The following CCSER1 variants were observed in gnomAD, a reference collection of about 807,000 sequenced individuals.
The protein encoded by CCSER1 is coiled-coil serine rich protein 1, also known as serine-rich coiled-coil domain-containing protein 1.
CCSER1 carries 41 observed loss-of-function variants against 82.0 expected under a neutral mutation model. The observed-to-expected ratio is 0.50, with a 90% CI of 0.39 to 0.65. The LOEUF (loss-of-function observed/expected upper bound fraction) is 0.65, where lower values mean the gene tolerates loss of function less well. Ranked by LOEUF, CCSER1 falls within the 30% of genes least tolerant of loss-of-function variation. The probability of loss-of-function intolerance (pLI) is 0.00; values close to 1 mark genes in which losing one functional copy is unlikely to be tolerated. For missense variants in CCSER1, 1,119 were observed against 1,064.2 expected (o/e 1.05, Z -0.72); for synonymous variants, 414 against 383.9 (o/e 1.08, Z -0.92).
At chr4:90,461,267 GTT>G (rs1321756349) in intron 4 of CCSER1, among the ~76,000 whole-genome samples, 2 of 121,160 alleles carry the variant, frequency 1.7e-5, no homozygotes, top group African/African-American at 4.2e-5. Context: ...GGGTTTCACC[GTT>G]TTTTAGCCGG....
chr4:91,121,687 TA>T (rs1727103749), intron 10 of CCSER1, among the ~76,000 whole-genome samples: 1 of 151,628 alleles, frequency 6.6e-6, no homozygotes, highest in African/African-American at 2.4e-5. Flanking sequence ...GACTTTTAGA[TA>T]AATCTATACC....
chr4:90,265,555 T>C (rs1348316515), intron 1 of CCSER1, among the ~76,000 whole-genome samples: 1 of 152,050 alleles, frequency 6.6e-6, no homozygotes, highest in African/African-American at 2.4e-5. Flanking sequence ...TTTTTAAAAA[T>C]GCCAATGAAA....
intron 5 of CCSER1, among the ~76,000 whole-genome samples, chr4:90,562,324 T>C (rs1413096557): frequency 8.6e-5 from 13 of 152,038 alleles, no homozygotes; most frequent in Non-Finnish European, 5.9e-5. Context: ...ACACATTCTA[T>C]ATTTGTCACT....
At chr4:90,752,431 T>G (rs1748814923) in intron 7 of CCSER1, among the ~76,000 whole-genome samples, 2 of 152,242 alleles carry the variant, frequency 1.3e-5, no homozygotes, top group African/African-American at 4.8e-5. Context: ...TCTTTCTAGG[T>G]TACTTCCAAG....
At chr4:91,026,359 T>G (rs1740489977) in intron 9 of CCSER1, among the ~76,000 whole-genome samples, 1 of 152,082 alleles carries the variant, frequency 6.6e-6, no homozygotes, top group Admixed American at 6.6e-5. Flanking sequence ...ATCAGACGTA[T>G]TTGGCCTTAA....
At chr4:91,372,815 T>C (rs1750136261) in intron 10 of CCSER1, among the ~76,000 whole-genome samples, 1 of 152,122 alleles carries the variant, frequency 6.6e-6, no homozygotes, top group African/African-American at 2.4e-5. Flanking sequence ...CATTAAACTC[T>C]GAGTAAGAGA....
rs562989973 is a variant in CCSER1, at chr4:90,192,065, C to T, written c.-42+64234C>T. On this transcript the variant is annotated intron_variant, in intron 1 of 10. Coordinates refer to ENST00000509176, the MANE Select transcript of CCSER1 (RefSeq NM_001145065.2). ...TCCGTTTTCACGCTGCTGATAAAGA[C>T]ATACCTGAGGCTGGGCAATTTTCAA... 3.3e-5 allele frequency among the ~76,000 whole-genome samples: 5 copies of T among 152,170 alleles called. No homozygotes were observed. The South Asian group carries it at 1.0e-3, about 32-fold the overall frequency.
chr4:91,560,943 C>T (rs1333610723), intron 10 of CCSER1, among the ~76,000 whole-genome samples: 1 of 151,212 alleles, frequency 6.6e-6, no homozygotes, highest in Non-Finnish European at 1.5e-5. Context: ...TTCCAAGGAC[C>T]TGTACAAAGA....
chr4:90,713,453 G>A (rs1436432152), intron 6 of CCSER1, among the ~76,000 whole-genome samples: 3 of 151,890 alleles, frequency 2.0e-5, no homozygotes, highest in Non-Finnish European at 4.4e-5. Flanking sequence ...TTTTCCTTAA[G>A]GATGCTGAAT....
chr4:90,247,923 GA>G (rs1267803149), intron 1 of CCSER1, among the ~76,000 whole-genome samples: 2 of 151,876 alleles, frequency 1.3e-5, no homozygotes, highest in African/African-American at 4.8e-5. Flanking sequence ...TGTAGTGAAA[GA>G]TATTATTTAC....
rs1735565629 is a variant in CCSER1, at chr4:90,312,948, T to C, written c.1410T>C (p.Ser470=). The part of the protein sequence containing the change: ...LRSSSEGTAG[S]SRMILKPKDG... Reference sequence around the variant, plus strand: ...CCTCGTCAGAAGGCACTGCAGGGAGTAGCAGAATGATTTTGAAACCGAAAG... The same window carrying C: ...CCTCGTCAGAAGGCACTGCAGGGAGCAGCAGAATGATTTTGAAACCGAAAG... Residue 470 remains serine, a synonymous_variant, in exon 3 of 11, where the codon AGT becomes AGC. Transcript: ENST00000509176. 8 of 1,593,126 alleles carry C rather than the reference T, an allele frequency of 5.0e-6. No homozygotes were observed. The highest frequency in any genetic ancestry group is 6.8e-6 in the Non-Finnish European group (8 of 1,168,570).
At chr4:91,148,909 A>T (rs1193982958) in intron 10 of CCSER1, among the ~76,000 whole-genome samples, 1 of 152,136 alleles carries the variant, frequency 6.6e-6, no homozygotes, top group Non-Finnish European at 1.5e-5. Flanking sequence ...GTTGGTTCCA[A>T]ATCTTTGCTA....
intron 4 of CCSER1, among the ~76,000 whole-genome samples, chr4:90,438,622 AC>A (rs1484723756): frequency 1.7e-4 from 26 of 152,316 alleles, no homozygotes; most frequent in African/African-American, 6.3e-4. Flanking sequence ...TGTTTTACTG[AC>A]ATAATCATAA....
intron 10 of CCSER1, among the ~76,000 whole-genome samples, chr4:91,456,665 G>A (rs1171915030): frequency 2.0e-5 from 3 of 151,760 alleles, no homozygotes; most frequent in Non-Finnish European, 4.4e-5. Flanking sequence ...CTTATTCCAA[G>A]TCAAACAATT....
At chr4:91,327,850 C>A (rs1449106359) in intron 10 of CCSER1, among the ~76,000 whole-genome samples, 1 of 152,160 alleles carries the variant, frequency 6.6e-6, no homozygotes, top group African/African-American at 2.4e-5. Flanking sequence ...TAAATCATTT[C>A]TCTCAATCTC....
intron 1 of CCSER1, among the ~76,000 whole-genome samples, chr4:90,200,124 G>A (rs901249060): frequency 1.3e-5 from 2 of 149,658 alleles, no homozygotes; most frequent in Admixed American, 6.7e-5. Flanking sequence ...AGCCTAATTA[G>A]GCTGTTAGCC....
intron 5 of CCSER1, among the ~76,000 whole-genome samples, chr4:90,598,319 G>A (rs1783599592): frequency 6.6e-6 from 1 of 151,888 alleles, no homozygotes; most frequent in Admixed American, 6.6e-5. Flanking sequence ...TGCACAACGT[G>A]CAGGTTTGTT....
At chr4:91,465,359 T>C (rs1756824780) in intron 10 of CCSER1, among the ~76,000 whole-genome samples, 1 of 152,164 alleles carries the variant, frequency 6.6e-6, no homozygotes, top group African/African-American at 2.4e-5. Flanking sequence ...TAAAGCAGTG[T>C]GTAGAGGGAA....
chr4:90,717,794 T>G (rs1372528933), intron 6 of CCSER1, among the ~76,000 whole-genome samples: 1 of 150,692 alleles, frequency 6.6e-6, no homozygotes, highest in Non-Finnish European at 1.5e-5. Context: ...TGTATATATA[T>G]ATATGTGTAT....
Sources: gnomAD v4.1 joint callset for allele counts (sites outside exome capture counted in the v4.1 genomes callset) on GRCh38, gnomAD v4.1.1 for gene constraint, MANE v1.5 for transcripts, NCBI Gene and HGNC (gene_info 2026-07-23, HGNC 2026-07-21) for gene names.